Variants in LARGE1 observed in about 807,000 individuals in gnomAD.
LARGE1 encodes xylosyl- and glucuronyltransferase LARGE1.
A neutral mutation model predicts 87.6 loss-of-function variants in LARGE1; 43 were observed. The ratio of observed to expected loss-of-function variants is 0.49; its 90% CI spans 0.38 to 0.63. The LOEUF (loss-of-function observed/expected upper bound fraction) is 0.63, where lower values mean the gene tolerates loss of function less well. LARGE1 is among the 30% of genes least tolerant of loss of function. LARGE1 has a pLI of 0.00. For missense variants in LARGE1, 802 were observed against 1,000.2 expected (o/e 0.80, Z 2.67); for synonymous variants, 434 against 394.6 (o/e 1.10, Z -1.18).
intron 11 of LARGE1, among the ~76,000 whole-genome samples, chr22:33,207,728 T>C (rs766598047): frequency 3.3e-5 from 5 of 152,082 alleles, no homozygotes; most frequent in Non-Finnish European, 7.3e-5. Flanking sequence ...AGATTGAAGA[T>C]TGGCAAATCC....
chr22:33,453,370 G>A (rs1045944902), intron 6 of LARGE1, among the ~76,000 whole-genome samples: 3 of 151,502 alleles, frequency 2.0e-5, no homozygotes, highest in South Asian at 2.1e-4. Context: ...AGCCAAGATC[G>A]TGCCACTGCA....
chr22:33,814,630 T>C (rs1601681538), intron 1 of LARGE1, among the ~76,000 whole-genome samples: 3 of 152,306 alleles, frequency 2.0e-5, no homozygotes, highest in Admixed American at 2.0e-4. Context: ...CAGCTTCATT[T>C]TCTGCCCAAG....
At chr22:33,790,448 G>A (rs1473429057) in intron 1 of LARGE1, among the ~76,000 whole-genome samples, 2 of 152,048 alleles carry the variant, frequency 1.3e-5, no homozygotes, top group African/African-American at 4.8e-5. Context: ...AATCATCCAA[G>A]GATACAGCAG....
chr22:33,248,438 C>T (rs959617236), intron 11 of LARGE1, among the ~76,000 whole-genome samples: 1 of 152,136 alleles, frequency 6.6e-6, no homozygotes. Flanking sequence ...GACCATGATC[C>T]ACCCACCTCA....
At chr22:33,688,868 G>A (rs549001125) in intron 2 of LARGE1, among the ~76,000 whole-genome samples, 156 of 151,886 alleles carry the variant, frequency 1.0e-3, no homozygotes, top group Non-Finnish European at 1.8e-3. Context: ...GGTAGGGCAC[G>A]CTGATTGGTC....
chr22:33,605,275 G>A (rs1262944698), intron 4 of LARGE1, among the ~76,000 whole-genome samples: 1 of 152,036 alleles, frequency 6.6e-6, no homozygotes, highest in Non-Finnish European at 1.5e-5. Flanking sequence ...GATTCTGGTG[G>A]CAAACAACTT....
chr22:33,488,077 C>G (rs1490484374), intron 6 of LARGE1, among the ~76,000 whole-genome samples: 1 of 152,188 alleles, frequency 6.6e-6, no homozygotes, highest in Admixed American at 6.5e-5. Context: ...GGGTCAAACA[C>G]TTTGCTGGTG....
intron 6 of LARGE1, among the ~76,000 whole-genome samples, chr22:33,508,647 T>C (rs984738573): frequency 2.0e-5 from 3 of 152,192 alleles, no homozygotes; most frequent in Non-Finnish European, 4.4e-5. Context: ...CGTACATCCA[T>C]GACATCCTAT....
intron 6 of LARGE1, among the ~76,000 whole-genome samples, chr22:33,441,588 C>G (rs1448595975): frequency 6.6e-6 from 1 of 152,028 alleles, no homozygotes; most frequent in Non-Finnish European, 1.5e-5. Context: ...TGAGCAGCTA[C>G]GGGACTACAG....
At chr22:33,218,073 G>A (rs562497764) in intron 11 of LARGE1, among the ~76,000 whole-genome samples, 22 of 152,106 alleles carry the variant, frequency 1.4e-4, no homozygotes, top group Admixed American at 1.3e-3. Flanking sequence ...GGGATTACAG[G>A]TGCCTGCCAC....
chr22:33,371,916 A>G (rs548540096), intron 9 of LARGE1, among the ~76,000 whole-genome samples: 14 of 152,040 alleles, frequency 9.2e-5, no homozygotes, highest in Middle Eastern at 3.4e-3. Context: ...TGTGGGAGGC[A>G]GAGCTTGCAG....
At position 33,394,780 on chromosome 22, in the gene LARGE1, C is replaced by T. The variant is rs1051811281; in HGVS notation, c.893-10476G>A. 4.7e-5 allele frequency among the ~76,000 whole-genome samples: 7 copies of T among 149,976 alleles called. No homozygotes were observed. The South Asian group carries it at 6.4e-4, about 14-fold the overall frequency. On this transcript the variant is annotated intron_variant, in intron 7 of 14. Coordinates refer to ENST00000397394, the MANE Select transcript of LARGE1 (RefSeq NM_133642.5). The stretch of plus-strand genomic sequence containing the variant: ...GTATCTACATGCTCATAACTAAATA[C>T]GGTGAGGCTTTGCTGAATCAGGGGT...
intron 10 of LARGE1, among the ~76,000 whole-genome samples, chr22:33,319,672 A>C (rs965279013): frequency 1.3e-5 from 2 of 152,212 alleles, no homozygotes; most frequent in Middle Eastern, 3.2e-3. Context: ...TTGAGATTAC[A>C]GGCGTGAGCT....
chr22:33,753,157 T>C (rs1448141273), intron 2 of LARGE1, among the ~76,000 whole-genome samples: 4 of 152,004 alleles, frequency 2.6e-5, no homozygotes, highest in Admixed American at 1.3e-4. Context: ...GAGTCGGAGG[T>C]TGCAGTGAAC....
chr22:33,670,399 G>C (rs953229327), intron 2 of LARGE1, among the ~76,000 whole-genome samples: 6 of 151,676 alleles, frequency 4.0e-5, no homozygotes, highest in Non-Finnish European at 7.4e-5. Flanking sequence ...GTTGAGATTA[G>C]AAAGGTGAGC....
chr22:33,255,945 G>C (rs566166289), intron 11 of LARGE1, among the ~76,000 whole-genome samples: 1 of 152,086 alleles, frequency 6.6e-6, no homozygotes, highest in African/African-American at 2.4e-5. Flanking sequence ...AAAGTTTAGC[G>C]CCTGGGGTTT....
intron 6 of LARGE1, among the ~76,000 whole-genome samples, chr22:33,449,175 C>T (rs1233191136): frequency 6.6e-6 from 1 of 151,978 alleles, no homozygotes; most frequent in South Asian, 2.1e-4. Context: ...TAAGTTAAGC[C>T]TGAGATCCAA....
At chr22:33,252,971 C>G (rs1927078499) in intron 11 of LARGE1, among the ~76,000 whole-genome samples, 1 of 152,144 alleles carries the variant, frequency 6.6e-6, no homozygotes, top group African/African-American at 2.4e-5. Context: ...CAATTTGGAG[C>G]TGAGACTGAA....
the LARGE1 span, among the ~76,000 whole-genome samples, chr22:33,118,504 G>GAAAAAAAA: frequency 1.7e-3 from 135 of 80,334 alleles, no homozygotes; most frequent in Non-Finnish European, 2.4e-3. Flanking sequence ...AAAGAAAAAA[G>GAAAAAAAA]AAAAAAAAAA....
Sources: gnomAD v4.1 joint callset for allele counts (sites outside exome capture counted in the v4.1 genomes callset) on GRCh38, gnomAD v4.1.1 for gene constraint, MANE v1.5 for transcripts, NCBI Gene and HGNC (gene_info 2026-07-23, HGNC 2026-07-21) for gene names.